Variants in MAP1B observed in about 807,000 individuals in gnomAD.
The protein encoded by MAP1B is microtubule-associated protein 1B.
MAP1B carries 12 observed loss-of-function variants against 176.1 expected under a neutral mutation model. The ratio of observed to expected loss-of-function variants is 0.07; its 90% CI spans 0.04 to 0.11. The LOEUF (loss-of-function observed/expected upper bound fraction) is 0.11. MAP1B is among the 10% of genes least tolerant of loss of function. The pLI is 1.00. For synonymous variants in MAP1B, 1,044 were observed against 1,135.0 expected, an observed-to-expected ratio of 0.92 and a Z score of 1.61; for missense variants, 2,523 against 2,990.5, an observed-to-expected ratio of 0.84 and a Z score of 3.65.
rs368052791 is a variant in MAP1B at position 72,198,757 on chromosome 5, C to T, written c.5402C>T (p.Ser1801Leu). 186 of 1,614,048 alleles carry T rather than the reference C, an allele frequency of 1.2e-4. No homozygotes were observed. Among genetic ancestry groups the T allele is most frequent in the Non-Finnish European group, 1.3e-4 (150 of 1,180,034 alleles). ...ESSPLYSPTF[S>L]DSTSAVKEKT... The stretch of plus-strand genomic sequence containing the variant: ...TCTCCTTTATATTCACCTACTTTTT[C>T]AGATTCTACCTCTGCAGTCAAAGAG... The change falls in exon 5 of 7, where the codon TCA (serine) becomes TTA (leucine). Residue 1801 changes from serine to leucine, a missense_variant. By Grantham distance (145) the Ser-to-Leu change is moderately radical (BLOSUM62 -2). Coordinates refer to ENST00000296755, the MANE Select transcript of MAP1B (RefSeq NM_005909.5).
intron 2 of MAP1B, among the ~76,000 whole-genome samples, chr5:72,183,382 C>T (rs1278522278): frequency 6.6e-6 from 1 of 152,160 alleles, no homozygotes; most frequent in African/African-American, 2.4e-5. Flanking sequence ...AGAAACATCC[C>T]CAATTACCAT....
chr5:72,120,665 A>C lies in MAP1B; in HGVS notation c.286+4866A>C, dbSNP rs528573773. Among the ~76,000 whole-genome samples, 19 of 151,986 alleles carry C rather than the reference A, an allele frequency of 1.3e-4. No homozygotes were observed. The East Asian group carries it at 2.3e-3, about 19-fold the overall frequency. The stretch of plus-strand genomic sequence containing the variant: ...ATGGTCTCGATCTCCTGACCTCATC[A>C]TCCGCCCACTTCAGCCTCCCAAAGC... On this transcript the variant is annotated intron_variant, in intron 2 of 6. Transcript: ENST00000296755.
chr5:72,141,560 G>A (rs1462108284), intron 2 of MAP1B, among the ~76,000 whole-genome samples: 1 of 152,200 alleles, frequency 6.6e-6, no homozygotes, highest in African/African-American at 2.4e-5. Flanking sequence ...CTTTCCTGAG[G>A]CTCAGAAAGG....
At chr5:72,141,021 C>T (rs1161320831) in intron 2 of MAP1B, among the ~76,000 whole-genome samples, 2 of 152,214 alleles carry the variant, frequency 1.3e-5, no homozygotes, top group African/African-American at 2.4e-5. Flanking sequence ...TACCCACCAG[C>T]CTCCCACGTT....
At chr5:72,163,341 C>T (rs1299833123) in intron 2 of MAP1B, among the ~76,000 whole-genome samples, 1 of 151,760 alleles carries the variant, frequency 6.6e-6, no homozygotes, top group East Asian at 1.9e-4. Flanking sequence ...GTAAATAAGG[C>T]AGTTATGTTT....
chr5:72,174,874 T>TGC (rs1746617907), intron 2 of MAP1B, among the ~76,000 whole-genome samples: 1 of 113,490 alleles, frequency 8.8e-6, no homozygotes, highest in Non-Finnish European at 1.9e-5. Flanking sequence ...TCTGCTTCCT[T>TGC]TCTTCCTTCC....
rs373747473 is a variant in MAP1B at position 72,159,781 on chromosome 5, C to A, written c.287-23962C>A. 4.7e-4 allele frequency among the ~76,000 whole-genome samples: 71 copies of A among 152,266 alleles called. 1 individual carries two copies. The South Asian group carries it at 0.015, about 32-fold the overall frequency. On this transcript the variant is annotated intron_variant, in intron 2 of 6. Coordinates refer to ENST00000296755, the MANE Select transcript of MAP1B (RefSeq NM_005909.5). Reference sequence around the variant, plus strand: ...CCCTACAGGAACTAGGAGCTTCATACCAAGTTCACATTTGAGTCTGAGTTC... The same window carrying A: ...CCCTACAGGAACTAGGAGCTTCATAACAAGTTCACATTTGAGTCTGAGTTC...
rs759210419 is a variant in MAP1B at position 72,203,654 on chromosome 5, T to A, written c.7104T>A (p.Asn2368Lys). ...LDLCYIPNHS[N>K]SKNVDVEFFK... ...TGTGCTACATTCCTAACCACAGCAA[T>A]AGTAAGAATGTTGATGTGGAATTTT... Residue 2368 changes from asparagine (N) to lysine (K), a missense_variant, in exon 6 of 7, where the codon AAT (asparagine) becomes AAA (lysine). Asn to Lys is a moderately conservative substitution (Grantham distance 94). Transcript: ENST00000296755. 6.2e-7 allele frequency: 1 copy of A among 1,614,054 alleles called. No homozygotes were observed. The highest frequency in any genetic ancestry group is 2.2e-5 in the East Asian group (1 of 44,876).
At chr5:72,138,564 A>G (rs952861476) in intron 2 of MAP1B, among the ~76,000 whole-genome samples, 1 of 152,166 alleles carries the variant, frequency 6.6e-6, no homozygotes, top group African/African-American at 2.4e-5. Flanking sequence ...AATGTTATGT[A>G]AAAAAATGCT....
At chr5:72,179,108 G>A (rs997874597) in intron 2 of MAP1B, among the ~76,000 whole-genome samples, 3 of 151,994 alleles carry the variant, frequency 2.0e-5, no homozygotes, top group African/African-American at 4.8e-5. Context: ...GAGGTGGCGC[G>A]GACCCCTTTT....
chr5:72,115,591 T>A (rs1745417595), intron 1 of MAP1B, 107 bp from the exon 2 acceptor site: 2 of 719,054 alleles, frequency 2.8e-6, no homozygotes, highest in Non-Finnish European at 2.5e-6. Flanking sequence ...AGAAAAGGAG[T>A]TCCCACATCC....
intron 2 of MAP1B, among the ~76,000 whole-genome samples, chr5:72,146,717 C>T (rs1326451635): frequency 6.6e-6 from 1 of 152,098 alleles, no homozygotes; most frequent in Non-Finnish European, 1.5e-5. Flanking sequence ...TTCTGAAGAC[C>T]CTCAAATACC....
intron 5 of MAP1B, 151 bp downstream of exon 5, chr5:72,200,518 G>A (rs1313223050): frequency 9.9e-7 from 1 of 1,012,098 alleles, no homozygotes; most frequent in Non-Finnish European, 1.4e-6. Flanking sequence ...TCTGCCCAAA[G>A]GTATATATCT....
intron 2 of MAP1B, among the ~76,000 whole-genome samples, chr5:72,145,942 T>C (rs1269997652): frequency 6.6e-6 from 1 of 152,094 alleles, no homozygotes; most frequent in East Asian, 1.9e-4. Flanking sequence ...GACCCAGAAA[T>C]GTGGGCAATT....
intron 2 of MAP1B, among the ~76,000 whole-genome samples, chr5:72,119,064 C>T (rs1208921672): frequency 6.6e-6 from 1 of 152,164 alleles, no homozygotes; most frequent in Non-Finnish European, 1.5e-5. Flanking sequence ...TTCAAGACCA[C>T]TCTGAAAGAC....
At position 72,107,588 on chromosome 5, in the gene MAP1B, C is replaced by G; in HGVS notation, c.57C>G (p.Asn19Lys). 1 of 1,593,410 alleles carries G rather than the reference C, an allele frequency of 6.3e-7. No homozygotes were observed. The highest frequency in any genetic ancestry group is 8.5e-7 in the Non-Finnish European group (1 of 1,176,106). Residue 19 changes from asparagine to lysine, a missense_variant, in exon 1 of 7, where the codon AAC (asparagine) becomes AAG (lysine). Transcript: ENST00000296755. Reference protein sequence around the residue: ...TEPEPSGSIANPAASTSPSLS... With the variant: ...TEPEPSGSIAKPAASTSPSLS... ...CGGAGCCGTCCGGCAGCATCGCCAA[C>G]CCGGCGGCGTCCACCTCGCCTAGCC... is the stretch of plus-strand genomic sequence containing the variant.
intron 2 of MAP1B, among the ~76,000 whole-genome samples, chr5:72,154,034 A>G (rs1202059559): frequency 2.6e-5 from 4 of 152,210 alleles, no homozygotes; most frequent in Admixed American, 1.3e-4. Context: ...AATCTTTCAC[A>G]TATTGTACAA....
At chr5:72,139,083 T>C (rs977104270) in intron 2 of MAP1B, among the ~76,000 whole-genome samples, 4 of 152,132 alleles carry the variant, frequency 2.6e-5, no homozygotes, top group African/African-American at 9.7e-5. Context: ...TAGAGCTCAT[T>C]TGAGTCAGAG....
At chr5:72,203,858 G>A (rs1747386075) in intron 6 of MAP1B, 57 bp downstream of exon 6, 13 of 1,529,546 alleles carry the variant, frequency 8.5e-6, no homozygotes, top group Non-Finnish European at 9.9e-6. Flanking sequence ...AGAGGCAATG[G>A]GAAGGAACCA....
Sources: allele counts gnomAD v4.1 joint callset (sites outside exome capture counted in the v4.1 genomes callset), GRCh38; gene constraint gnomAD v4.1.1; transcripts MANE v1.5; gene names NCBI Gene and HGNC (gene_info 2026-07-23, HGNC 2026-07-21).